ALOX5: variants seen among roughly 807,000 people sequenced by gnomAD.
ALOX5 encodes arachidonate 5-lipoxygenase, also known as polyunsaturated fatty acid 5-lipoxygenase.
In ALOX5, 64 loss-of-function variants were observed where a neutral mutation model predicts 87.9. The ratio of observed to expected loss-of-function variants is 0.73; its 90% CI spans 0.60 to 0.90. ALOX5 has a LOEUF of 0.90. Ranked by LOEUF, ALOX5 falls within the 40% of genes least tolerant of loss-of-function variation. ALOX5 has a pLI of 0.00. For missense variants in ALOX5, 822 were observed against 907.5 expected (o/e 0.91, Z 1.21); for synonymous variants, 388 against 355.1 (o/e 1.09, Z -1.04).
At chr10:45,436,149 T>C (rs761450648) in intron 7 of ALOX5, among the ~76,000 whole-genome samples, 15 of 152,226 alleles carry the variant, frequency 9.9e-5, no homozygotes, top group Non-Finnish European at 2.1e-4. Flanking sequence ...AGATTCTGGG[T>C]ATTAGTCGTT....
In ALOX5 at chr10:45,411,088, G is replaced by C. The variant is rs1841046608; in HGVS notation, c.432-1103G>C. Among the ~76,000 whole-genome samples the C allele has an allele frequency of 2.0e-5, 3 of 152,222 alleles. No individual in the cohort carries two copies. In the South Asian group the frequency reaches 6.2e-4, roughly 32 times the overall value. ...GTTCCTCCCTTTTTTAGACCATATA[G>C]GGTAACTTCCTGACATTACTATGGC... On this transcript the variant is annotated intron_variant, in intron 3 of 13. Transcript: ENST00000374391.
At chr10:45,382,451 C>T (rs28395865) in intron 1 of ALOX5, 32 bp from the exon 2 acceptor site, 258,152 of 1,611,768 alleles carry the variant, frequency 0.16, 21,146 homozygotes, top group South Asian at 0.19. Flanking sequence ...CAGGAGACCA[C>T]GCATGGCCTG....
chr10:45,405,853 G>A (rs1285161441), intron 3 of ALOX5, among the ~76,000 whole-genome samples: 1 of 150,966 alleles, frequency 6.6e-6, no homozygotes, highest in African/African-American at 2.4e-5. Flanking sequence ...ATCTTCCCAC[G>A]TCAGCCTCCC....
intron 3 of ALOX5, among the ~76,000 whole-genome samples, chr10:45,407,979 T>G (rs1033046903): frequency 6.6e-6 from 1 of 152,182 alleles, no homozygotes; most frequent in Non-Finnish European, 1.5e-5. Flanking sequence ...CTAAATGAGT[T>G]TGGGGTCCTA....
At chr10:45,399,858 A>G (rs940170265) in intron 3 of ALOX5, among the ~76,000 whole-genome samples, 4 of 152,266 alleles carry the variant, frequency 2.6e-5, no homozygotes, top group African/African-American at 9.6e-5. Context: ...AGTTCTCCAG[A>G]GAAAATTTGT....
intron 4 of ALOX5, 29 bp downstream of exon 4, chr10:45,412,342 G>A (rs200774770): frequency 1.2e-6 from 2 of 1,612,748 alleles, no homozygotes; most frequent in Admixed American, 1.7e-5. Context: ...AGGGACTCTG[G>A]GCAGCCCCTC....
At chr10:45,383,304 A>G (rs1257670919) in intron 2 of ALOX5, among the ~76,000 whole-genome samples, 1 of 152,242 alleles carries the variant, frequency 6.6e-6, no homozygotes, top group Non-Finnish European at 1.5e-5. Flanking sequence ...TTAGGAGGCC[A>G]TTCTTTGTTA....
intron 2 of ALOX5, among the ~76,000 whole-genome samples, chr10:45,384,571 C>A (rs557570628): frequency 2.6e-5 from 4 of 152,304 alleles, no homozygotes; most frequent in Admixed American, 2.6e-4. Flanking sequence ...GAGTCTCATT[C>A]TTTAAGGCTT....
chr10:45,443,043 C>T lies in ALOX5; in HGVS notation c.1278C>T (p.Asn426=), dbSNP rs537072496. ...ICECGLFDKA[N]ATGGGGHVQM... ...CACTCTACCTCCCACTCCAGGCCAA[C>T]GCCACAGGGGGCGGTGGGCACGTGC... The change falls in exon 10 of 14, where the codon AAC becomes AAT. Residue 426 remains asparagine, a synonymous_variant. Transcript: ENST00000374391. 7.4e-6 allele frequency: 12 copies of T among 1,611,680 alleles called. No homozygotes were observed. The highest frequency in any genetic ancestry group is 3.3e-5 in the Admixed American group (2 of 59,852).
intron 3 of ALOX5, among the ~76,000 whole-genome samples, chr10:45,402,412 C>A (rs1840733697): frequency 6.6e-6 from 1 of 152,082 alleles, no homozygotes; most frequent in Non-Finnish European, 1.5e-5. Flanking sequence ...GGGTCTGCTA[C>A]GGAGGGCTCG....
intron 7 of ALOX5, among the ~76,000 whole-genome samples, chr10:45,438,169 C>G (rs1430589197): frequency 6.7e-6 from 1 of 148,542 alleles, no homozygotes; most frequent in Non-Finnish European, 1.5e-5. Flanking sequence ...ATTTCTTTCT[C>G]TTGCCTAATT....
intron 4 of ALOX5, among the ~76,000 whole-genome samples, chr10:45,421,921 G>C (rs1841520564): frequency 6.6e-6 from 1 of 152,216 alleles, no homozygotes; most frequent in Admixed American, 6.5e-5. Flanking sequence ...CAGGCTCCTT[G>C]TTCATCCTGA....
In ALOX5 at chr10:45,443,468, G is replaced by C. The variant is rs1355174398; in HGVS notation, c.1504G>C (p.Glu502Gln). 6.2e-7 allele frequency: 1 copy of C among 1,612,880 alleles called. No individual in the cohort carries two copies. Among genetic ancestry groups the C allele is most frequent in the South Asian group, 1.1e-5 (1 of 91,004 alleles). The change falls in exon 11 of 14, where the codon GAG becomes CAG. Residue 502 changes from glutamate to glutamine, a missense_variant. Transcript: ENST00000374391. ...IYYEGDQVVE[E>Q]DPELQDFVND... ...CTACGAGGGCGACCAGGTGGTGGAG[G>C]AGGACCCGGAGCTGCAGGACTTCGT...
At chr10:45,424,640 G>A (rs1290222523) in intron 5 of ALOX5, among the ~76,000 whole-genome samples, 3 of 152,318 alleles carry the variant, frequency 2.0e-5, no homozygotes, top group South Asian at 2.1e-4. Flanking sequence ...AGGACATGGG[G>A]AACCAAACTT....
chr10:45,425,249 A>G lies in ALOX5; in HGVS notation c.834+117A>G. The G allele has an allele frequency of 7.8e-7, 1 of 1,276,626 alleles. No homozygotes were observed. Among genetic ancestry groups the G allele is most frequent in the Non-Finnish European group, 1.1e-6 (1 of 945,956 alleles). The allele number at this position is 1,276,626 out of a possible 1,614,324, so 79.1% of individuals were successfully genotyped here. On this transcript the variant is annotated intron_variant, in intron 6 of 13. Transcript: ENST00000374391. The surrounding 1 kb of genome is among the most constrained non-coding windows in gnomAD (Gnocchi z 4.4). Reference sequence around the variant, plus strand: ...CGCTAACTGCAGGCCCATCTGGCCTACAGCAGCCGCTTCCTTTTCCTGGCA... The same window carrying G: ...CGCTAACTGCAGGCCCATCTGGCCTGCAGCAGCCGCTTCCTTTTCCTGGCA...
At chr10:45,423,552 G>A (rs562146986) in intron 4 of ALOX5, among the ~76,000 whole-genome samples, 101 of 152,242 alleles carry the variant, frequency 6.6e-4, no homozygotes, top group African/African-American at 2.4e-3. Context: ...TCTGGCCTTG[G>A]GTTTCTATTT....
At chr10:45,392,452 GT>G (rs1840321318) in intron 2 of ALOX5, among the ~76,000 whole-genome samples, 1 of 151,338 alleles carries the variant, frequency 6.6e-6, no homozygotes, top group Non-Finnish European at 1.5e-5. Context: ...TCCACTCAGG[GT>G]TAAATGGATT....
chr10:45,421,315 A>G (rs1386474266), intron 4 of ALOX5, among the ~76,000 whole-genome samples: 2 of 152,210 alleles, frequency 1.3e-5, no homozygotes, highest in African/African-American at 4.8e-5. Context: ...AAACAGACCC[A>G]GCTGGGTAAT....
At chr10:45,397,905 G>A (rs954846336) in intron 3 of ALOX5, among the ~76,000 whole-genome samples, 1 of 152,068 alleles carries the variant, frequency 6.6e-6, no homozygotes. Flanking sequence ...TGTTAAAATG[G>A]CAATACCCCA....
Sources: allele counts gnomAD v4.1 joint callset (sites outside exome capture counted in the v4.1 genomes callset), GRCh38; gene constraint gnomAD v4.1.1; non-coding constraint Gnocchi (gnomAD v3.1); transcripts MANE v1.5; gene names NCBI Gene and HGNC (gene_info 2026-07-23, HGNC 2026-07-21).